The following STK32C variants were observed in gnomAD, a reference collection of about 807,000 sequenced individuals.
STK32C encodes the protein serine/threonine-protein kinase 32C.
A neutral mutation model predicts 56.5 loss-of-function variants in STK32C; 31 were observed. That is an observed-to-expected ratio of 0.55 (90% CI 0.41 to 0.74). The LOEUF (loss-of-function observed/expected upper bound fraction) is 0.74, where lower values mean the gene tolerates loss of function less well. Ranked by LOEUF, STK32C falls within the 30% of genes least tolerant of loss-of-function variation. The pLI, the probability that STK32C is intolerant of heterozygous loss-of-function variation, is 0.00. For synonymous variants in STK32C, 309 were observed against 289.4 expected (o/e 1.07, Z -0.69); for missense variants, 544 against 676.9 (o/e 0.80, Z 2.18).
intron 2 of STK32C, among the ~76,000 whole-genome samples, chr10:132,235,924 C>T (rs1294505684): frequency 6.6e-6 from 1 of 152,150 alleles, no homozygotes; most frequent in Non-Finnish European, 1.5e-5. Flanking sequence ...ACTAAACTAT[C>T]AGTGGATAAA....
intron 2 of STK32C, among the ~76,000 whole-genome samples, chr10:132,235,493 TTAAAAAAA>T (rs2063251009): frequency 1.4e-5 from 1 of 72,410 alleles, no homozygotes; most frequent in Non-Finnish European, 2.6e-5. Flanking sequence ...AGACTCAGCC[TTAAAAAAA>T]AAAAAAAAAA....
chr10:132,276,518 A>G (rs537491871), intron 1 of STK32C, among the ~76,000 whole-genome samples: 7 of 152,320 alleles, frequency 4.6e-5, no homozygotes, highest in Admixed American at 1.3e-4. Flanking sequence ...ACGGCGGCTC[A>G]CGCCTGTCAT....
chr10:132,265,286 G>T (rs35638673), intron 1 of STK32C, among the ~76,000 whole-genome samples: 13,576 of 148,044 alleles, frequency 0.092, 1,027 homozygotes, highest in African/African-American at 0.18. Flanking sequence ...GCAGCCACCC[G>T]GGGGACACTC....
At chr10:132,244,135 C>A (rs776682179) in intron 2 of STK32C, among the ~76,000 whole-genome samples, 35 of 152,130 alleles carry the variant, frequency 2.3e-4, no homozygotes, top group South Asian at 8.3e-4. Context: ...TGACAGGCCT[C>A]ACCTCACCCT....
intron 10 of STK32C, among the ~76,000 whole-genome samples, chr10:132,217,154 C>T (rs1227463646): frequency 6.6e-6 from 1 of 152,258 alleles, no homozygotes; most frequent in Non-Finnish European, 1.5e-5. Flanking sequence ...CTGTACTCTG[C>T]AGAGCCACAA....
At position 132,260,511 on chromosome 10, in the gene STK32C, G is replaced by A. The variant is rs146437558; in HGVS notation, c.263-14556C>T. 9.4e-3 allele frequency among the ~76,000 whole-genome samples: 1,437 copies of A among 152,336 alleles called. 22 individuals carry two copies. Among genetic ancestry groups the A allele is most frequent in the African/African-American group, 0.031 (1,297 of 41,564 alleles). On this transcript the variant is annotated intron_variant, in intron 1 of 11. Transcript: ENST00000298630. ...CACCGGACACACAGGCCCCGGTCTT[G>A]GGATGCTGGGCACCGTTGTCGGGTC...
At chr10:132,294,263 C>T (rs1187349235) in intron 1 of STK32C, among the ~76,000 whole-genome samples, 4 of 151,996 alleles carry the variant, frequency 2.6e-5, no homozygotes, top group Admixed American at 6.5e-5. Flanking sequence ...GGAGCAGGCA[C>T]GGGGAAGGGG....
rs2064083436 is a variant in STK32C, at chr10:132,255,487, T to C, written c.263-9532A>G. On this transcript the variant is annotated intron_variant, in intron 1 of 11. Coordinates refer to ENST00000298630, the MANE Select transcript of STK32C (RefSeq NM_173575.4). The surrounding 1 kb of genome is among the most constrained non-coding windows in gnomAD (Gnocchi z 4.6). ...CGCTGACGGGCAGGGTTGACGCAGA[T>C]GGGGACAAGACAGGTGGGGGCTAGA... 1.3e-5 allele frequency among the ~76,000 whole-genome samples: 2 copies of C among 151,948 alleles called. No individual in the cohort carries two copies. Among genetic ancestry groups the C allele is most frequent in the African/African-American group, 2.4e-5 (1 of 41,344 alleles).
At chr10:132,296,298 C>T (rs11146317) in intron 1 of STK32C, among the ~76,000 whole-genome samples, 70 of 151,976 alleles carry the variant, frequency 4.6e-4, no homozygotes, top group Middle Eastern at 3.4e-3. Context: ...TCATGTAACA[C>T]GGGATCTTGG....
chr10:132,306,566 G>A (rs990041994), intron 1 of STK32C, among the ~76,000 whole-genome samples: 11 of 152,218 alleles, frequency 7.2e-5, no homozygotes, highest in Non-Finnish European at 1.3e-4. Context: ...TCGTATTACT[G>A]TAATTTCCCA....
chr10:132,241,053 G>A (rs530237818), intron 2 of STK32C, among the ~76,000 whole-genome samples: 6 of 152,218 alleles, frequency 3.9e-5, no homozygotes, highest in Non-Finnish European at 8.8e-5. Context: ...GGGAACACAC[G>A]ATCTCCCAGC....
chr10:132,238,926 G>A (rs984057933), intron 2 of STK32C, among the ~76,000 whole-genome samples: 8 of 152,190 alleles, frequency 5.3e-5, no homozygotes, highest in South Asian at 2.1e-4. Context: ...ACACTTGGGC[G>A]GAGACCAGGC....
intron 1 of STK32C, among the ~76,000 whole-genome samples, chr10:132,275,193 T>A (rs931678978): frequency 2.0e-5 from 3 of 152,138 alleles, no homozygotes; most frequent in Non-Finnish European, 4.4e-5. Flanking sequence ...AGGTCCGGCA[T>A]CCCCGTACCC....
intron 2 of STK32C, among the ~76,000 whole-genome samples, chr10:132,238,162 T>C (rs2063360044): frequency 6.6e-6 from 1 of 152,032 alleles, no homozygotes; most frequent in Non-Finnish European, 1.5e-5. Flanking sequence ...GGCAGCCTCC[T>C]TGGGACCGAG....
chr10:132,291,208 T>C (rs1249222532), intron 1 of STK32C, among the ~76,000 whole-genome samples: 9 of 152,228 alleles, frequency 5.9e-5, no homozygotes, highest in African/African-American at 2.2e-4. Context: ...CTCTGGAGCA[T>C]TGCCGTTTCT....
Position 132,222,752 on chromosome 10 carries a change from G to A in STK32C, c.1140C>T (p.Asp380=). 6.2e-7 allele frequency: 1 copy of A among 1,606,588 alleles called. No homozygotes were observed. The highest frequency in any genetic ancestry group is 1.7e-5 in the Admixed American group (1 of 58,738). Residue 380 remains aspartate, a synonymous_variant, in exon 10 of 12, where the codon GAC becomes GAT. Transcript: ENST00000298630. ...TCATCTCCTCCAGCTCAAAGGTGGG[G>A]TCGCAGTGCAGACGGCCTTTCTACA... ...FVPNKGRLHC[D]PTFELEEMIL...
chr10:132,275,072 A>T (rs1184577313), intron 1 of STK32C, among the ~76,000 whole-genome samples: 1 of 152,136 alleles, frequency 6.6e-6, no homozygotes, highest in Non-Finnish European at 1.5e-5. Context: ...AGGGCCGAGG[A>T]ACCAAGTTCC....
At chr10:132,320,221 G>A (rs186129986), downstream of STK32C, among the ~76,000 whole-genome samples, 6 of 152,234 alleles carry the variant, frequency 3.9e-5, no homozygotes, top group Admixed American at 3.9e-4. Flanking sequence ...TGCAGGATGG[G>A]TGCTATGGCT....
upstream of STK32C, among the ~76,000 whole-genome samples, chr10:132,312,421 T>G (rs778341732): frequency 6.6e-6 from 1 of 152,166 alleles, no homozygotes; most frequent in Non-Finnish European, 1.5e-5. Flanking sequence ...CAGGCATGGG[T>G]GAGACCTCAG....
Sources: gnomAD v4.1 joint callset for allele counts (sites outside exome capture counted in the v4.1 genomes callset) on GRCh38, gnomAD v4.1.1 for gene constraint, Gnocchi (gnomAD v3.1) non-coding constraint, MANE v1.5 for transcripts, NCBI Gene and HGNC (gene_info 2026-07-23, HGNC 2026-07-21) for gene names.